The following IL4I1 variants were observed in gnomAD, a reference collection of about 807,000 sequenced individuals.
The protein encoded by IL4I1 is L-amino-acid oxidase.
IL4I1 carries 24 observed loss-of-function variants against 29.7 expected under a neutral mutation model. The observed-to-expected ratio is 0.81, with a 90% confidence interval of 0.59 to 1.14. IL4I1 has a LOEUF of 1.14. Among genes scored for constraint, IL4I1 ranks in the 50% most tolerant of loss-of-function variants. The pLI, the probability that IL4I1 is intolerant of heterozygous loss-of-function variation, is 0.00. For missense variants in IL4I1, 686 were observed against 785.6 expected (o/e 0.87, Z 1.52); for synonymous variants, 371 against 352.5 (o/e 1.05, Z -0.59).
chr19:49,898,678 G>A (rs2075242385), upstream of IL4I1, among the ~76,000 whole-genome samples: 1 of 152,136 alleles, frequency 6.6e-6, no homozygotes, highest in Admixed American at 6.5e-5. Context: ...GACCAACCTG[G>A]CCAAAATGAT....
chr19:49,908,580 G>A, intron 2 of IL4I1: 1 of 1,614,154 alleles, frequency 6.2e-7, no homozygotes, highest in Non-Finnish European at 8.5e-7. Context: ...AACTCCTCCA[G>A]TGGGCTCAGC....
At chr19:49,890,928 T>TTCCCCCCCCCCCCC in intron 7 of IL4I1, 43 bp downstream of exon 7, 3 of 633,210 alleles carry the variant, frequency 4.7e-6, no homozygotes, top group South Asian at 4.8e-5. Context: ...TTTCCCTGAT[T>TTCCCCCCCCCCCCC]GCCCCCCGCC....
At chr19:49,898,897 CCAA>C (rs1420782246), upstream of IL4I1, among the ~76,000 whole-genome samples, 6 of 152,042 alleles carry the variant, frequency 3.9e-5, no homozygotes, top group Non-Finnish European at 7.4e-5. Context: ...AAACAAAAAA[CCAA>C]CAACAATGCC....
chr19:49,891,241 G>A (rs770404434), intron 6 of IL4I1, 134 bp from the exon 7 acceptor site: 26 of 1,428,990 alleles, frequency 1.8e-5, no homozygotes, highest in Non-Finnish European at 2.3e-5. Context: ...TCTGACAGAT[G>A]AGGGAAACGG....
At chr19:49,893,442 G>C (rs765499261) in intron 5 of IL4I1, among the ~76,000 whole-genome samples, 1 of 152,014 alleles carries the variant, frequency 6.6e-6, no homozygotes, top group Non-Finnish European at 1.5e-5. Context: ...CCGTGACTGC[G>C]GGATGGTGGG....
At chr19:49,912,435 T>C (rs931825203) in intron 2 of IL4I1, among the ~76,000 whole-genome samples, 30 of 152,190 alleles carry the variant, frequency 2.0e-4, no homozygotes, top group African/African-American at 6.7e-4. Context: ...TCCCAAAGTG[T>C]TGGGATTACA....
At position 49,921,048 on chromosome 19, in the gene IL4I1, A is replaced by G. The variant is rs556218496; in HGVS notation, c.-228+6646T>C. ...GGGTGGCTTTCATTATGAGAACTGGAAGCAAACACAGCCCCTTCCTGCCTC... is the reference window on the plus strand; with the variant it reads ...GGGTGGCTTTCATTATGAGAACTGGGAGCAAACACAGCCCCTTCCTGCCTC... On this transcript the variant is annotated intron_variant, in intron 2 of 9. Transcript: ENST00000341114. The surrounding 1 kb of genome is among the most constrained non-coding windows in gnomAD (Gnocchi z 5.4). Among the ~76,000 whole-genome samples, 3 of 152,182 alleles carry G rather than the reference A, an allele frequency of 2.0e-5. No homozygotes were observed. In the East Asian group the frequency reaches 5.8e-4, roughly 29 times the overall value.
At chr19:49,915,757 G>A (rs1182146554) in intron 2 of IL4I1, among the ~76,000 whole-genome samples, 4 of 152,218 alleles carry the variant, frequency 2.6e-5, no homozygotes, top group Non-Finnish European at 4.4e-5. Flanking sequence ...AAAGGAAAGT[G>A]AGGTGTGATT....
At chr19:49,922,510 G>A (rs573942311) in intron 2 of IL4I1, among the ~76,000 whole-genome samples, 1 of 151,978 alleles carries the variant, frequency 6.6e-6, no homozygotes, top group East Asian at 1.9e-4. Context: ...CAGCACAGAG[G>A]GGACCAGCCT....
At chr19:49,917,340 C>T (rs1379032522) in intron 2 of IL4I1, among the ~76,000 whole-genome samples, 2 of 152,246 alleles carry the variant, frequency 1.3e-5, no homozygotes, top group East Asian at 3.8e-4. Context: ...TCTGCAAACT[C>T]CACAAGTCTA....
chr19:49,893,781 GT>G (rs2075168381), intron 5 of IL4I1, among the ~76,000 whole-genome samples: 1 of 151,856 alleles, frequency 6.6e-6, no homozygotes. Context: ...GAGGTCAGGA[GT>G]TCAAGATCAG....
chr19:49,891,795 G>A (rs1244927778), intron 5 of IL4I1, among the ~76,000 whole-genome samples: 1 of 152,200 alleles, frequency 6.6e-6, no homozygotes, highest in East Asian at 1.9e-4. Flanking sequence ...TGAGCTCCAT[G>A]GAGGCAGGGA....
intron 2 of IL4I1, among the ~76,000 whole-genome samples, chr19:49,920,733 G>C (rs996725326): frequency 2.0e-5 from 3 of 152,234 alleles, no homozygotes; most frequent in Non-Finnish European, 4.4e-5. Context: ...GCCTAGAGCT[G>C]AAACGCTCTG....
intron 2 of IL4I1, among the ~76,000 whole-genome samples, chr19:49,911,766 GTC>G (rs1351511977): frequency 1.3e-5 from 2 of 152,226 alleles, no homozygotes; most frequent in Non-Finnish European, 2.9e-5. Flanking sequence ...CACTAAGCCA[GTC>G]TCTCCGGGGC....
At chr19:49,925,673 G>A (rs550536988) in intron 2 of IL4I1, among the ~76,000 whole-genome samples, 5 of 152,192 alleles carry the variant, frequency 3.3e-5, no homozygotes, top group Non-Finnish European at 7.3e-5. Flanking sequence ...AAGGCATCCG[G>A]AAGGAGCAGA....
upstream of IL4I1, among the ~76,000 whole-genome samples, chr19:49,901,377 C>CT (rs1568690766): frequency 6.6e-6 from 1 of 152,192 alleles, no homozygotes; most frequent in African/African-American, 2.4e-5. Flanking sequence ...GAGCGAGACT[C>CT]TGTCTCAAAA....
At chr19:49,924,237 C>T (rs569221134) in intron 2 of IL4I1, among the ~76,000 whole-genome samples, 8 of 152,146 alleles carry the variant, frequency 5.3e-5, no homozygotes, top group African/African-American at 1.9e-4. Flanking sequence ...CCTTACCTCT[C>T]GGGACCTCAG....
At chr19:49,915,881 G>A (rs1373667365) in intron 2 of IL4I1, among the ~76,000 whole-genome samples, 1 of 152,252 alleles carries the variant, frequency 6.6e-6, no homozygotes, top group Admixed American at 6.5e-5. Context: ...TGGGAGGGAA[G>A]GACAAGGTTG....
upstream of IL4I1, chr19:49,901,763 T>C: frequency 7.1e-7 from 1 of 1,413,928 alleles, no homozygotes; most frequent in South Asian, 1.4e-5. Flanking sequence ...TTGTTAGTGG[T>C]GCCCTTGTTA....
Sources: allele counts gnomAD v4.1 joint callset (sites outside exome capture counted in the v4.1 genomes callset), GRCh38; gene constraint gnomAD v4.1.1; non-coding constraint Gnocchi (gnomAD v3.1); transcripts MANE v1.5; gene names NCBI Gene and HGNC (gene_info 2026-07-23, HGNC 2026-07-21).